Variants in TLE5 observed in about 807,000 individuals in gnomAD.
TLE5 encodes the protein TLE family member 5.
In TLE5, 7 loss-of-function variants were observed where a neutral mutation model predicts 25.8. The observed-to-expected ratio is 0.27, with a 90% CI of 0.15 to 0.51. The LOEUF is 0.51. Ranked by LOEUF, TLE5 falls within the 20% of genes least tolerant of loss-of-function variation. TLE5 has a pLI of 0.97. For missense variants in TLE5, 149 were observed against 250.7 expected (o/e 0.59, Z 2.74); for synonymous variants, 132 against 110.5 (o/e 1.20, Z -1.22).
At chr19:3,059,856 C>T (rs759001430) in intron 2 of TLE5, among the ~76,000 whole-genome samples, 8 of 152,200 alleles carry the variant, frequency 5.3e-5, no homozygotes, top group Non-Finnish European at 8.8e-5. Context: ...CTTCTGGGGC[C>T]TGCATGGAAA....
intron 3 of TLE5, 166 bp from the exon 4 acceptor site, chr19:3,056,522 GGA>G (rs973802595): frequency 1.7e-6 from 1 of 593,142 alleles, no homozygotes; most frequent in African/African-American, 1.9e-5. Context: ...GAAAGAGGAG[GGA>G]GAGACGCCCA....
intron 2 of TLE5, among the ~76,000 whole-genome samples, chr19:3,060,025 CAAAA>C (rs2090251529): frequency 6.6e-6 from 1 of 152,258 alleles, no homozygotes; most frequent in South Asian, 2.1e-4. Context: ...GCAGCAACAA[CAAAA>C]TCGAGATTCC....
intron 5 of TLE5, 146 bp from the exon 6 acceptor site, chr19:3,054,340 A>C: frequency 1.4e-6 from 1 of 706,258 alleles, no homozygotes; most frequent in Non-Finnish European, 2.4e-6. Context: ...CCCCATCAGA[A>C]AGCACCCTCC....
Position 3,060,292 on chromosome 19 carries a change from C to T in TLE5, c.125+868G>A, listed in dbSNP as rs114392649. Among the ~76,000 whole-genome samples, 1,089 of 149,988 alleles carry T rather than the reference C, an allele frequency of 7.3e-3. 17 individuals carry two copies. The highest frequency in any genetic ancestry group is 0.025 in the African/African-American group (1,003 of 40,888). On this transcript the variant is annotated intron_variant, in intron 2 of 6. Transcript: ENST00000327141. ...ATGGACACCCCCGAGGAAATAACAT[C>T]ATAACATCTCTGGGCTTAAGTTTCT... is the stretch of plus-strand genomic sequence containing the variant.
intron 1 of TLE5, 119 bp from the exon 2 acceptor site, chr19:3,061,376 C>T: frequency 1.4e-6 from 1 of 703,664 alleles, no homozygotes; most frequent in Non-Finnish European, 2.4e-6. Context: ...ACTTCCTGGG[C>T]CCGTGTTTAC....
At chr19:3,061,436 G>A (rs1359644298) in intron 1 of TLE5, 179 bp from the exon 2 acceptor site, 1 of 434,880 alleles carries the variant, frequency 2.3e-6, no homozygotes, top group South Asian at 2.8e-5. Context: ...CCTCTCCCGG[G>A]GGAAGCCGAG....
intron 6 of TLE5, 34 bp downstream of exon 6, chr19:3,054,086 T>TGGGGGGGGGGGGCCCCCC: frequency 2.0e-6 from 3 of 1,512,720 alleles, no homozygotes; most frequent in Non-Finnish European, 1.8e-6. Flanking sequence ...GGCCCACCTG[T>TGGGGGGGGGGGGCCCCCC]CCCCCGCCCA....
chr19:3,061,890 G>GA (rs1439667918), intron 1 of TLE5, among the ~76,000 whole-genome samples: 4 of 145,468 alleles, frequency 2.7e-5, no homozygotes, highest in African/African-American at 1.0e-4. Flanking sequence ...GCGGGTTGGG[G>GA]GGGGGGGGCG....
Position 3,053,995 on chromosome 19 carries a change from G to A in TLE5, c.418C>T (p.Leu140=). 6.2e-7 allele frequency: 1 copy of A among 1,607,482 alleles called. No individual in the cohort carries two copies. Among genetic ancestry groups the A allele is most frequent in the Non-Finnish European group, 8.5e-7 (1 of 1,177,780 alleles). Residue 140 remains leucine, a synonymous_variant, in exon 7 of 7, where the codon CTG becomes TTG. Coordinates refer to ENST00000327141, the MANE Select transcript of TLE5 (RefSeq NM_001130.6). The part of the protein sequence containing the change: ...HQLSQLQALA[L]PLTPLPVGLQ... ...CCCACGGGTAGTGGGGTCAAGGGCA[G>A]GGCCAGGGCCTGCAGCTGGGACAGC...
intron 6 of TLE5, 34 bp downstream of exon 6, chr19:3,054,086 T>TGGGGGGGGGGGGGGCCC: frequency 1.3e-6 from 2 of 1,512,802 alleles, no homozygotes; most frequent in Non-Finnish European, 1.8e-6. Context: ...GGCCCACCTG[T>TGGGGGGGGGGGGGGCCC]CCCCCGCCCA....
intron 2 of TLE5, among the ~76,000 whole-genome samples, chr19:3,060,328 C>CTTTTTTTTTTTTTTT (rs990199468): frequency 4.3e-5 from 4 of 93,216 alleles, no homozygotes; most frequent in Middle Eastern, 9.1e-3. Context: ...TTTTTTCTTT[C>CTTTTTTTTTTTTTTT]TTTTTTTTTT....
chr19:3,060,328 C>CTTTTTTTTTTTTTTTTTTT (rs990199468), intron 2 of TLE5, among the ~76,000 whole-genome samples: 6 of 93,198 alleles, frequency 6.4e-5, no homozygotes, highest in African/African-American at 2.6e-4. Flanking sequence ...TTTTTTCTTT[C>CTTTTTTTTTTTTTTTTTTT]TTTTTTTTTT....
intron 2 of TLE5, among the ~76,000 whole-genome samples, chr19:3,060,094 A>C (rs1337205286): frequency 6.6e-6 from 1 of 152,022 alleles, no homozygotes; most frequent in African/African-American, 2.4e-5. Context: ...TGGGGTGGGC[A>C]CGCTTCAGTT....
Position 3,062,169 on chromosome 19 carries a change from CT to C in TLE5, c.27+4del. The C allele has an allele frequency of 8.6e-7, 1 of 1,165,570 alleles. No homozygotes were observed. The highest frequency in any genetic ancestry group is 1.1e-6 in the Non-Finnish European group (1 of 943,916). The allele number at this position is 1,165,570 out of a possible 1,614,324, so 72.2% of individuals were successfully genotyped here. On this transcript the variant is annotated splice_donor_region_variant and intron_variant, in intron 1 of 6. Transcript: ENST00000327141. ...GGGGGCGCCGGCCGGACGGGCCCCG[CT>C]TACCGAATGCCTGCTTTGTGGAAAC...
In TLE5 at chr19:3,053,124, GAAAAAAATAATAATA is replaced by G. The variant is rs2090187959; in HGVS notation, c.*680_*694del. 6.7e-6 allele frequency: 1 copy of G among 149,902 alleles called. No individual in the cohort carries two copies. The highest frequency in any genetic ancestry group is 2.5e-5 in the African/African-American group (1 of 40,654). The allele number at this position is 149,902 out of a possible 1,614,324, so 9.3% of individuals were successfully genotyped here. ...AAGACAAGCTAGTATACTGGAAAAA[GAAAAAAATAATAATA>G]AAATAAAAACCAAGACAACTTTAGT... On this transcript the variant is annotated 3_prime_UTR_variant, in exon 7 of 7. Coordinates refer to ENST00000327141, the MANE Select transcript of TLE5 (RefSeq NM_001130.6).
intron 4 of TLE5, 78 bp downstream of exon 4, chr19:3,056,224 CTGCCTGGGGG>C: frequency 1.0e-6 from 1 of 954,122 alleles, no homozygotes; most frequent in Non-Finnish European, 1.5e-6. Flanking sequence ...CGGCCGCTAC[CTGCCTGGGGG>C]TGCCCAAGGC....
intron 1 of TLE5, among the ~76,000 whole-genome samples, chr19:3,061,888 G>GT (rs1555697644): frequency 3.9e-5 from 1 of 25,870 alleles, no homozygotes; most frequent in Non-Finnish European, 1.2e-4. Flanking sequence ...CGGCGGGTTG[G>GT]GGGGGGGGGG....
chr19:3,058,304 A>G (rs1185849036), intron 2 of TLE5, among the ~76,000 whole-genome samples: 1 of 152,122 alleles, frequency 6.6e-6, no homozygotes, highest in Non-Finnish European at 1.5e-5. Flanking sequence ...GAGGCCCGCA[A>G]CGTCATTGTC....
At chr19:3,057,638 G>A (rs1024020101) in intron 3 of TLE5, 41 bp downstream of exon 3, 7 of 1,597,028 alleles carry the variant, frequency 4.4e-6, no homozygotes, top group South Asian at 2.2e-5. Flanking sequence ...GGGCCCTGTC[G>A]CCCGCCCCCA....
Sources: gnomAD v4.1 joint callset for allele counts (sites outside exome capture counted in the v4.1 genomes callset) on GRCh38, gnomAD v4.1.1 for gene constraint, MANE v1.5 for transcripts, NCBI Gene and HGNC (gene_info 2026-07-23, HGNC 2026-07-21) for gene names.